The following TFDP2 variants were observed in gnomAD, a reference collection of about 807,000 sequenced individuals.
TFDP2 encodes the protein transcription factor Dp-2 (E2F dimerization partner 2).
A neutral mutation model predicts 59.3 loss-of-function variants in TFDP2; 17 were observed. The observed-to-expected ratio is 0.29, with a 90% CI of 0.20 to 0.43. The LOEUF (loss-of-function observed/expected upper bound fraction) is 0.43, where lower values mean the gene tolerates loss of function less well. Among genes scored for constraint, TFDP2 ranks in the 20% least tolerant of loss-of-function variants. The pLI is 1.00. For synonymous variants in TFDP2, 180 were observed against 194.7 expected, an observed-to-expected ratio of 0.92 and a Z score of 0.63; for missense variants, 391 against 528.8, an observed-to-expected ratio of 0.74 and a Z score of 2.56.
At chr3:142,079,530 A>G (rs1214396547) in intron 3 of TFDP2, among the ~76,000 whole-genome samples, 3 of 152,164 alleles carry the variant, frequency 2.0e-5, no homozygotes, top group African/African-American at 7.2e-5. Context: ...ATCAACATTC[A>G]AGTACAAGAA....
intron 3 of TFDP2, among the ~76,000 whole-genome samples, chr3:142,053,436 C>T (rs182992785): frequency 6.6e-6 from 1 of 152,290 alleles, no homozygotes; most frequent in Admixed American, 6.5e-5. Flanking sequence ...CTGTAGACTT[C>T]CCAAGGCCCT....
chr3:142,069,454 ACTG>A (rs912195290), intron 3 of TFDP2, among the ~76,000 whole-genome samples: 3 of 152,190 alleles, frequency 2.0e-5, no homozygotes, highest in Non-Finnish European at 4.4e-5. Context: ...TAGAATTGAG[ACTG>A]CTAAGTCATA....
chr3:141,986,616 C>G (rs1942131601), intron 6 of TFDP2, among the ~76,000 whole-genome samples: 1 of 152,120 alleles, frequency 6.6e-6, no homozygotes, highest in Non-Finnish European at 1.5e-5. Context: ...TATAAACTTT[C>G]TTGTACATGT....
At chr3:142,005,250 G>A (rs574859941) in intron 4 of TFDP2, among the ~76,000 whole-genome samples, 191 bp downstream of exon 4, 2 of 152,320 alleles carry the variant, frequency 1.3e-5, no homozygotes, top group Admixed American at 6.5e-5. Flanking sequence ...TGTTGCCCAG[G>A]CTGGTCTTGA....
intron 8 of TFDP2, among the ~76,000 whole-genome samples, chr3:141,971,248 C>A (rs964293835): frequency 6.6e-6 from 1 of 150,500 alleles, no homozygotes; most frequent in African/African-American, 2.4e-5. Flanking sequence ...TATGGCCAGG[C>A]GCGGTGGCTC....
chr3:141,974,895 TTTCTTC>T (rs763156785), intron 7 of TFDP2, among the ~76,000 whole-genome samples: 1 of 143,312 alleles, frequency 7.0e-6, no homozygotes, highest in Non-Finnish European at 1.5e-5. Flanking sequence ...GCTGACCATT[TTTCTTC>T]TTCTTCTTTT....
At chr3:141,973,206 G>C (rs1380303080) in intron 8 of TFDP2, among the ~76,000 whole-genome samples, 1 of 149,070 alleles carries the variant, frequency 6.7e-6, no homozygotes, top group Non-Finnish European at 1.5e-5. Flanking sequence ...TGTAACCTCT[G>C]CCTCCCAGGT....
chr3:142,044,591 G>A (rs1169989600), intron 3 of TFDP2, among the ~76,000 whole-genome samples: 1 of 151,742 alleles, frequency 6.6e-6, no homozygotes, highest in African/African-American at 2.4e-5. Flanking sequence ...GGCTGGTCTC[G>A]AACTCTTGAC....
At chr3:141,968,711 CATAT>C (rs1178106017) in intron 9 of TFDP2, among the ~76,000 whole-genome samples, 3 of 83,278 alleles carry the variant, frequency 3.6e-5, no homozygotes, top group Admixed American at 1.6e-4. Context: ...ATATATATCT[CATAT>C]ATAGATATAT....
rs577003693 is a variant in TFDP2, at chr3:141,981,391, C to G, written c.357-2709G>C. On this transcript the variant is annotated intron_variant, in intron 6 of 12. Transcript: ENST00000489671. ...TCGCCTAATGAAGCCTTTCTCAGAA[C>G]ATAGCCCCTCATTAAGTGATGTGGG... 1.9e-3 allele frequency among the ~76,000 whole-genome samples: 289 copies of G among 152,294 alleles called. 1 individual carries two copies. Among genetic ancestry groups the G allele is most frequent in the Non-Finnish European group, 2.8e-3 (193 of 68,020 alleles).
At chr3:142,117,204 AGCCACT>A (rs1276415347) in intron 1 of TFDP2, among the ~76,000 whole-genome samples, 28 of 152,164 alleles carry the variant, frequency 1.8e-4, no homozygotes, top group African/African-American at 6.8e-4. Context: ...TACAGGCATG[AGCCACT>A]GCACCCGGCC....
At chr3:142,039,875 C>T (rs1560074978) in intron 3 of TFDP2, among the ~76,000 whole-genome samples, 1 of 152,162 alleles carries the variant, frequency 6.6e-6, no homozygotes, top group East Asian at 1.9e-4. Flanking sequence ...CCATCTGGTA[C>T]CCCAGGCTCC....
intron 3 of TFDP2, among the ~76,000 whole-genome samples, chr3:142,034,827 C>G (rs1404911677): frequency 3.3e-5 from 5 of 151,946 alleles, no homozygotes; most frequent in African/African-American, 1.2e-4. Context: ...ACGGCCTCAG[C>G]CTCCCAAGTA....
chr3:141,955,242 C>A (rs939411350), intron 11 of TFDP2, among the ~76,000 whole-genome samples: 88 of 152,306 alleles, frequency 5.8e-4, no homozygotes, highest in African/African-American at 1.9e-3. Context: ...CACACTCCCA[C>A]CCAGGCCATT....
chr3:141,994,950 C>T (rs1943125628), intron 5 of TFDP2, 70 bp downstream of exon 5: 2 of 1,362,186 alleles, frequency 1.5e-6, no homozygotes, highest in Non-Finnish European at 2.0e-6. Flanking sequence ...GAACAGAAGA[C>T]AAGATAGTAA....
intron 3 of TFDP2, among the ~76,000 whole-genome samples, chr3:142,075,016 A>T (rs560117830): frequency 1.3e-5 from 2 of 152,322 alleles, no homozygotes; most frequent in African/African-American, 2.4e-5. Flanking sequence ...AGATATCCAC[A>T]TGCAAAATAA....
intron 3 of TFDP2, among the ~76,000 whole-genome samples, chr3:142,064,727 G>A (rs1409158160): frequency 2.6e-5 from 4 of 151,962 alleles, no homozygotes; most frequent in African/African-American, 4.8e-5. Flanking sequence ...GTAAAACAAC[G>A]TCACTGAAAA....
chr3:142,022,860 C>T (rs1945723273), intron 3 of TFDP2, among the ~76,000 whole-genome samples: 1 of 152,118 alleles, frequency 6.6e-6, no homozygotes, highest in Non-Finnish European at 1.5e-5. Flanking sequence ...AGGTGGCTCA[C>T]GCCTGAATCC....
chr3:142,099,492 G>A (rs1470123980), intron 2 of TFDP2, among the ~76,000 whole-genome samples: 6 of 151,852 alleles, frequency 4.0e-5, no homozygotes, highest in African/African-American at 1.2e-4. Context: ...ACCTGAGGTC[G>A]GGAGTTTGAG....
Sources: allele counts gnomAD v4.1 joint callset (sites outside exome capture counted in the v4.1 genomes callset), GRCh38; gene constraint gnomAD v4.1.1; transcripts MANE v1.5; gene names NCBI Gene and HGNC (gene_info 2026-07-23, HGNC 2026-07-21).